Variants in FYTTD1 observed in about 807,000 individuals in gnomAD.
FYTTD1 encodes the protein forty-two-three domain containing 1.
A neutral mutation model predicts 40.9 loss-of-function variants in FYTTD1; 22 were observed. The ratio of observed to expected loss-of-function variants is 0.54; its 90% CI spans 0.38 to 0.77. FYTTD1 has a LOEUF of 0.77. Among genes scored for constraint, FYTTD1 ranks in the 30% least tolerant of loss-of-function variants. FYTTD1 has a pLI of 0.00. For synonymous variants in FYTTD1, 140 were observed against 137.9 expected, an observed-to-expected ratio of 1.01 and a Z score of -0.10; for missense variants, 351 against 392.2, an observed-to-expected ratio of 0.90 and a Z score of 0.89.
chr3:197,754,647 G>A (rs1480565537), intron 1 of FYTTD1, among the ~76,000 whole-genome samples: 1 of 147,638 alleles, frequency 6.8e-6, no homozygotes, highest in Non-Finnish European at 1.5e-5. Flanking sequence ...GGAAATGTTT[G>A]TGGGTTTTTT....
intron 1 of FYTTD1, among the ~76,000 whole-genome samples, chr3:197,753,568 C>G (rs1036587371): frequency 6.7e-6 from 1 of 149,624 alleles, no homozygotes; most frequent in Non-Finnish European, 1.5e-5. Flanking sequence ...TGTATCTATT[C>G]ATTGGGCAGG....
chr3:197,773,379 A>G (rs766102962), intron 4 of FYTTD1, 24 bp from the exon 5 acceptor site: 3 of 1,405,582 alleles, frequency 2.1e-6, no homozygotes, highest in Non-Finnish European at 2.0e-6. Flanking sequence ...ATGGCTTAGC[A>G]TGGCCTATGT....
In FYTTD1 at chr3:197,784,981, A is replaced by T. The variant is rs1189453220; in HGVS notation, c.*3072A>T. 1 of 152,084 alleles carries T rather than the reference A, an allele frequency of 6.6e-6. No homozygotes were observed. The highest frequency in any genetic ancestry group is 6.6e-5 in the Admixed American group (1 of 15,264). 9.4% of individuals were successfully genotyped at this position (152,084 alleles called of 1,614,324 possible). A position where few individuals can be genotyped will look rare whatever the true frequency, so the allele number is the denominator to read the frequency against. On this transcript the variant is annotated 3_prime_UTR_variant, in exon 9 of 9. Transcript: ENST00000241502. ...TCTTCTAATTCTTAATTGATAATAAACTGCTTTGGTGAATTAACACCCACA... is the reference window on the plus strand; with the variant it reads ...TCTTCTAATTCTTAATTGATAATAATCTGCTTTGGTGAATTAACACCCACA...
At chr3:197,759,734 GTGTTCTTCAGTGGTAGAACATATAGAGT>G (rs1560493709) in intron 2 of FYTTD1, among the ~76,000 whole-genome samples, 19 of 145,718 alleles carry the variant, frequency 1.3e-4, no homozygotes, top group Admixed American at 4.1e-4. Context: ...AACGTATAGC[GTGTTCTTCAGTGGTAGAACATATAGAGT>G]TGTTCTTCAG....
chr3:197,772,138 A>G (rs1046444599), intron 4 of FYTTD1, among the ~76,000 whole-genome samples: 6 of 152,154 alleles, frequency 3.9e-5, no homozygotes, highest in Non-Finnish European at 8.8e-5. Flanking sequence ...CTGGAATTGC[A>G]GTTTTAACCA....
At chr3:197,756,158 A>G (rs1295830734) in intron 1 of FYTTD1, among the ~76,000 whole-genome samples, 3 of 152,134 alleles carry the variant, frequency 2.0e-5, no homozygotes, top group Non-Finnish European at 4.4e-5. Context: ...GGCTTCTGTG[A>G]TTATGGGAAG....
intron 2 of FYTTD1, among the ~76,000 whole-genome samples, chr3:197,767,259 C>T (rs1026391150): frequency 6.6e-6 from 1 of 152,030 alleles, no homozygotes; most frequent in Non-Finnish European, 1.5e-5. Flanking sequence ...CTGCCTCAGC[C>T]TCCCGAGTAG....
At chr3:197,772,043 A>G (rs1211584576) in intron 4 of FYTTD1, among the ~76,000 whole-genome samples, 1 of 150,824 alleles carries the variant, frequency 6.6e-6, no homozygotes, top group Non-Finnish European at 1.5e-5. Flanking sequence ...GCAGTGAGTC[A>G]AGATGGTGCC....
chr3:197,778,541 AATTATAAACAAGGT>A (rs1729939775), intron 8 of FYTTD1, 77 bp downstream of exon 8: 5 of 1,010,574 alleles, frequency 4.9e-6, no homozygotes, highest in Non-Finnish European at 7.2e-6. Flanking sequence ...TATAATAGTG[AATTATAAACAAGGT>A]ATCCTAACTG....
chr3:197,778,766 A>G (rs182658402), intron 8 of FYTTD1, among the ~76,000 whole-genome samples: 44 of 152,290 alleles, frequency 2.9e-4, no homozygotes, highest in Middle Eastern at 6.8e-3. Context: ...TATATACCAC[A>G]TCTTATTTAT....
At chr3:197,774,878 G>A (rs1322114193) in intron 6 of FYTTD1, among the ~76,000 whole-genome samples, 1 of 152,228 alleles carries the variant, frequency 6.6e-6, no homozygotes, top group East Asian at 1.9e-4. Flanking sequence ...AGCATAGCTC[G>A]GGCTATGGAG....
rs111495725 is a variant in FYTTD1 at position 197,770,935 on chromosome 3, T to TA, written c.497+692dup. On this transcript the variant is annotated intron_variant, in intron 4 of 8. Transcript: ENST00000241502. The stretch of plus-strand genomic sequence containing the variant: ...TTTGTTACTCAGTCTGGATGGCTCT[T>TA]ACTAGAACACTGAATCACAATGTAT... Among the ~76,000 whole-genome samples, 488 of 152,364 alleles carry TA rather than the reference T, an allele frequency of 3.2e-3. 2 individuals carry two copies. The highest frequency in any genetic ancestry group is 0.01 in the African/African-American group (425 of 41,590).
Position 197,787,302 on chromosome 3 carries a change from C to T in FYTTD1, c.*5393C>T, listed in dbSNP as rs1174192994. 1 of 151,874 alleles carries T rather than the reference C, an allele frequency of 6.6e-6. No homozygotes were observed. The highest frequency in any genetic ancestry group is 2.4e-5 in the African/African-American group (1 of 41,326). 9.4% of individuals were successfully genotyped at this position (151,874 alleles called of 1,614,324 possible). On this transcript the variant is annotated 3_prime_UTR_variant, in exon 9 of 9. Transcript: ENST00000241502. ...ATTTTTGTACTAAGACGAGGTTTCA[C>T]CATATTGGCCAGTCTAGTCTCAAAC...
intron 2 of FYTTD1, among the ~76,000 whole-genome samples, chr3:197,766,617 A>G (rs1217429192): frequency 4.6e-5 from 7 of 151,246 alleles, no homozygotes; most frequent in Admixed American, 2.6e-4. Flanking sequence ...TAATTTTTGT[A>G]TTTTTTCTAG....
chr3:197,774,639 C>T (rs963933857), intron 6 of FYTTD1, among the ~76,000 whole-genome samples: 14 of 149,024 alleles, frequency 9.4e-5, no homozygotes, highest in Non-Finnish European at 4.4e-5. Flanking sequence ...GACCAGTGCA[C>T]ACCATCCTGA....
chr3:197,782,502 T>A lies in FYTTD1; in HGVS notation c.*593T>A, dbSNP rs1395271728. On this transcript the variant is annotated 3_prime_UTR_variant, in exon 9 of 9. Transcript: ENST00000241502. ...ATTACACAGCTTTAGTGCTGAGCTTTTAACAGGAAATGTGGCCCTAGGTAT... is the reference window on the plus strand; with the variant it reads ...ATTACACAGCTTTAGTGCTGAGCTTATAACAGGAAATGTGGCCCTAGGTAT... 6.6e-6 allele frequency: 1 copy of A among 152,246 alleles called. No individual in the cohort carries two copies. The highest frequency in any genetic ancestry group is 1.5e-5 in the Non-Finnish European group (1 of 68,044). 9.4% of individuals were successfully genotyped at this position (152,246 alleles called of 1,614,324 possible).
upstream of FYTTD1, chr3:197,749,845 G>A (rs1728935186): frequency 8.9e-6 from 5 of 564,140 alleles, no homozygotes; most frequent in South Asian, 1.5e-4. Context: ...AGCCGCGGGT[G>A]GAGACCGAGG....
intron 2 of FYTTD1, among the ~76,000 whole-genome samples, chr3:197,762,883 C>T (rs1580453135): frequency 1.4e-5 from 2 of 145,370 alleles, no homozygotes; most frequent in South Asian, 4.3e-4. Flanking sequence ...ACTCCGTCTC[C>T]AAAAAAAAAA....
At position 197,776,693 on chromosome 3, in the gene FYTTD1, A is replaced by AT. The variant is rs1455585266; in HGVS notation, c.657-227dup. Among the ~76,000 whole-genome samples the AT allele has an allele frequency of 2.0e-5, 3 of 152,048 alleles. No homozygotes were observed. In the East Asian group the frequency reaches 5.8e-4, roughly 29 times the overall value. On this transcript the variant is annotated intron_variant, in intron 6 of 8. Transcript: ENST00000241502. ...ATTAGAAGTTCTTTTGTACTATTTG[A>AT]TTTTTTTAAATTTGTATACATTTAT...
Sources: allele counts gnomAD v4.1 joint callset (sites outside exome capture counted in the v4.1 genomes callset), GRCh38; gene constraint gnomAD v4.1.1; transcripts MANE v1.5; gene names NCBI Gene and HGNC (gene_info 2026-07-23, HGNC 2026-07-21).